The following TBC1D5 variants were observed in gnomAD, a reference collection of about 807,000 sequenced individuals.
The protein encoded by TBC1D5 is TBC1 domain family, member 5.
A neutral mutation model predicts 100.3 loss-of-function variants in TBC1D5; 75 were observed. That is an observed-to-expected ratio of 0.75 (90% CI 0.62 to 0.91). The LOEUF is 0.91. Among genes scored for constraint, TBC1D5 ranks in the 40% least tolerant of loss-of-function variants. The pLI, the probability that TBC1D5 is intolerant of heterozygous loss-of-function variation, is 0.00. For missense variants in TBC1D5, 910 were observed against 942.4 expected (o/e 0.97, Z 0.45); for synonymous variants, 323 against 325.6 (o/e 0.99, Z 0.09).
At chr3:17,390,354 C>T (rs968003323) in intron 8 of TBC1D5, among the ~76,000 whole-genome samples, 2 of 151,838 alleles carry the variant, frequency 1.3e-5, no homozygotes, top group East Asian at 1.9e-4. Flanking sequence ...GTAATGCAGG[C>T]AACAAAGAGA....
At chr3:17,533,760 G>C (rs1036740654) in intron 2 of TBC1D5, among the ~76,000 whole-genome samples, 3 of 151,916 alleles carry the variant, frequency 2.0e-5, no homozygotes, top group African/African-American at 7.3e-5. Context: ...GTTTCTTTTA[G>C]TATTATGTTA....
At chr3:17,553,972 C>T (rs2096494578) in intron 2 of TBC1D5, among the ~76,000 whole-genome samples, 1 of 152,166 alleles carries the variant, frequency 6.6e-6, no homozygotes, top group African/African-American at 2.4e-5. Context: ...CTGTCAACAT[C>T]TATTCCCTAA....
At chr3:17,710,870 G>A (rs2074661902) in intron 1 of TBC1D5, among the ~76,000 whole-genome samples, 2 of 151,978 alleles carry the variant, frequency 1.3e-5, no homozygotes, top group African/African-American at 2.4e-5. Context: ...GCTAATTTTT[G>A]TATTTTTAGT....
Position 17,300,595 on chromosome 3 carries a change from C to A in TBC1D5, c.1138+7397G>T, listed in dbSNP as rs181790509. 7.2e-5 allele frequency among the ~76,000 whole-genome samples: 11 copies of A among 152,130 alleles called. No homozygotes were observed. The East Asian group carries it at 2.1e-3, about 29-fold the overall frequency. ...CCATGCCATGCCAGGCCAGGAAAGGCTAAAGAAATCCCTATCAAAAACAGA... is the reference window on the plus strand; with the variant it reads ...CCATGCCATGCCAGGCCAGGAAAGGATAAAGAAATCCCTATCAAAAACAGA... On this transcript the variant is annotated intron_variant, in intron 14 of 21. Transcript: ENST00000253692.
intron 17 of TBC1D5, among the ~76,000 whole-genome samples, chr3:17,228,944 C>T (rs1356076292): frequency 1.3e-5 from 2 of 152,190 alleles, no homozygotes; most frequent in South Asian, 2.1e-4. Flanking sequence ...AGGAAAAATG[C>T]TTATTAAGCT....
chr3:17,216,866 A>G (rs2073702969), intron 17 of TBC1D5, among the ~76,000 whole-genome samples: 1 of 152,158 alleles, frequency 6.6e-6, no homozygotes, highest in Non-Finnish European at 1.5e-5. Flanking sequence ...CTGTGAAAAC[A>G]ACACTTTGAG....
chr3:17,468,972 G>T (rs1287875853), intron 3 of TBC1D5, among the ~76,000 whole-genome samples: 2 of 152,156 alleles, frequency 1.3e-5, no homozygotes, highest in Non-Finnish European at 2.9e-5. Flanking sequence ...TCATTTACCT[G>T]AAGTGACTTT....
intron 3 of TBC1D5, among the ~76,000 whole-genome samples, chr3:17,495,477 T>C (rs2095694487): frequency 6.6e-6 from 1 of 152,272 alleles, no homozygotes; most frequent in African/African-American, 2.4e-5. Flanking sequence ...GATAACATGA[T>C]AGTAAATCTT....
chr3:17,673,545 G>T (rs2068239007), intron 1 of TBC1D5, among the ~76,000 whole-genome samples: 1 of 151,442 alleles, frequency 6.6e-6, no homozygotes, highest in Non-Finnish European at 1.5e-5. Flanking sequence ...CGATCGCATG[G>T]CTCAAGCAAT....
At position 17,677,143 on chromosome 3, in the gene TBC1D5, C is replaced by T. The variant is rs911988617; in HGVS notation, c.-100-53230G>A. On this transcript the variant is annotated intron_variant, in intron 1 of 21. Transcript: ENST00000253692. ...AAAGCAATGACAACAAAAGCCAAAA[C>T]TGACAAATGGGATCTAATTAAACTA... 7.9e-5 allele frequency among the ~76,000 whole-genome samples: 12 copies of T among 152,004 alleles called. 1 individual carries two copies. Among genetic ancestry groups the T allele is most frequent in the African/African-American group, 1.2e-4 (5 of 41,406 alleles).
intron 2 of TBC1D5, among the ~76,000 whole-genome samples, chr3:17,597,793 C>G (rs2060667522): frequency 6.6e-6 from 1 of 152,204 alleles, no homozygotes; most frequent in South Asian, 2.1e-4. Flanking sequence ...AGATCCCACA[C>G]TACCCTAAGC....
At chr3:17,724,066 G>A (rs551835630) in intron 1 of TBC1D5, among the ~76,000 whole-genome samples, 15 of 148,384 alleles carry the variant, frequency 1.0e-4, no homozygotes, top group African/African-American at 3.2e-4. Flanking sequence ...TAGAAATCCC[G>A]ATTGGCAACT....
intron 2 of TBC1D5, among the ~76,000 whole-genome samples, chr3:17,594,556 T>C (rs986510556): frequency 3.3e-5 from 5 of 152,230 alleles, no homozygotes; most frequent in Non-Finnish European, 5.9e-5. Context: ...GTCATGAATA[T>C]TTCCTCCTTC....
At chr3:17,483,381 G>A (rs1249079461) in intron 3 of TBC1D5, among the ~76,000 whole-genome samples, 1 of 151,842 alleles carries the variant, frequency 6.6e-6, no homozygotes, top group African/African-American at 2.4e-5. Context: ...TTCTACAGAA[G>A]GTCTAAATGA....
At chr3:17,628,367 T>C (rs1223399656) in intron 1 of TBC1D5, among the ~76,000 whole-genome samples, 1 of 149,020 alleles carries the variant, frequency 6.7e-6, no homozygotes, top group African/African-American at 2.5e-5. Context: ...TGAAACTCTG[T>C]CTTAGGAAAA....
chr3:17,556,189 G>A (rs565357620), intron 2 of TBC1D5, among the ~76,000 whole-genome samples: 1 of 152,056 alleles, frequency 6.6e-6, no homozygotes, highest in Admixed American at 6.6e-5. Context: ...TAGTTTTTTT[G>A]TATTTTTAGT....
chr3:17,478,239 CT>C (rs945121968), intron 3 of TBC1D5, among the ~76,000 whole-genome samples: 3 of 151,950 alleles, frequency 2.0e-5, no homozygotes, highest in Non-Finnish European at 4.4e-5. Context: ...GTAATGCCAT[CT>C]TTTTTTGGCT....
intron 19 of TBC1D5, chr3:17,184,484 A>G (rs1455568390): frequency 6.6e-6 from 1 of 152,198 alleles, no homozygotes; most frequent in Non-Finnish European, 1.5e-5. Context: ...GCAATATACT[A>G]GGAGTTGAGA....
At position 17,421,069 on chromosome 3, in the gene TBC1D5, T is replaced by C. The variant is rs1018808351; in HGVS notation, c.167+7381A>G. 2.4e-4 allele frequency among the ~76,000 whole-genome samples: 37 copies of C among 152,332 alleles called. 1 individual carries two copies. Among genetic ancestry groups the C allele is most frequent in the Non-Finnish European group, 7.3e-5 (5 of 68,034 alleles). On this transcript the variant is annotated intron_variant, in intron 4 of 21. Transcript: ENST00000253692. ...AGGGCTGTGAATGCAAACAAATCAG[T>C]TGACTTTTCAAAATAGAGGGTAACA...
Sources: gnomAD v4.1 joint callset for allele counts (sites outside exome capture counted in the v4.1 genomes callset) on GRCh38, gnomAD v4.1.1 for gene constraint, MANE v1.5 for transcripts, NCBI Gene and HGNC (gene_info 2026-07-23, HGNC 2026-07-21) for gene names.